Variants in TMEM178B observed in about 807,000 individuals in gnomAD.
The protein encoded by TMEM178B is transmembrane protein 178B.
Under a neutral mutation model 31.0 loss-of-function variants are expected in TMEM178B, and 5 were observed. That is an observed-to-expected ratio of 0.16 (90% CI 0.08 to 0.34). The LOEUF (loss-of-function observed/expected upper bound fraction) is 0.34, where lower values mean the gene tolerates loss of function less well. Ranked by LOEUF, TMEM178B falls within the 10% of genes least tolerant of loss-of-function variation. The pLI is 1.00. For synonymous variants in TMEM178B, 164 were observed against 164.0 expected (o/e 1.00, Z 0.00); for missense variants, 275 against 400.3 (o/e 0.69, Z 2.67).
At position 141,452,078 on chromosome 7, in the gene TMEM178B, T is replaced by C. The variant is rs564395370; in HGVS notation, c.634+14333T>C. ...CTTTGCCCTTTTCTACCTATAAATA[T>C]AGGCTTTTGACTCTCTTTGCTTTTT... On this transcript the variant is annotated intron_variant, in intron 3 of 3. Coordinates refer to ENST00000565468, the MANE Select transcript of TMEM178B (RefSeq NM_001195278.2). 2.0e-5 allele frequency among the ~76,000 whole-genome samples: 3 copies of C among 152,350 alleles called. No homozygotes were observed. The South Asian group carries it at 6.2e-4, about 32-fold the overall frequency.
At chr7:141,347,811 G>A (rs943960742) in intron 2 of TMEM178B, among the ~76,000 whole-genome samples, 13 of 151,648 alleles carry the variant, frequency 8.6e-5, no homozygotes, top group African/African-American at 2.4e-4. Flanking sequence ...CCACTCTGCC[G>A]CACCACCAAC....
chr7:141,091,796 C>T (rs1029826723), intron 1 of TMEM178B, among the ~76,000 whole-genome samples: 1 of 152,264 alleles, frequency 6.6e-6, no homozygotes, highest in African/African-American at 2.4e-5. Context: ...AGCGTGATCT[C>T]GGCTCACTGA....
At chr7:141,284,824 A>G (rs1798418205) in intron 2 of TMEM178B, among the ~76,000 whole-genome samples, 1 of 152,074 alleles carries the variant, frequency 6.6e-6, no homozygotes, top group African/African-American at 2.4e-5. Flanking sequence ...GTATTATCTC[A>G]AGGATATCAA....
At chr7:141,186,073 T>C (rs1164785753) in intron 1 of TMEM178B, among the ~76,000 whole-genome samples, 1 of 152,156 alleles carries the variant, frequency 6.6e-6, no homozygotes, top group East Asian at 1.9e-4. Flanking sequence ...TGTGACTTGA[T>C]ACTATAAAAA....
chr7:141,393,271 A>T (rs1800578422), intron 2 of TMEM178B, among the ~76,000 whole-genome samples: 1 of 152,210 alleles, frequency 6.6e-6, no homozygotes, highest in Non-Finnish European at 1.5e-5. Flanking sequence ...CTGTCACTGA[A>T]TCAGCAGTGT....
intron 2 of TMEM178B, among the ~76,000 whole-genome samples, chr7:141,242,353 A>C (rs546409390): frequency 6.6e-6 from 1 of 151,470 alleles, no homozygotes; most frequent in Admixed American, 6.5e-5. Context: ...CAATAGCCAC[A>C]TGCCCGGCTA....
intron 1 of TMEM178B, among the ~76,000 whole-genome samples, chr7:141,086,977 C>T (rs909635734): frequency 3.3e-5 from 5 of 151,948 alleles, no homozygotes; most frequent in South Asian, 2.1e-4. Context: ...TGTGAGCCAC[C>T]GCATCTGGCC....
At chr7:141,252,389 G>T (rs184682981) in intron 2 of TMEM178B, among the ~76,000 whole-genome samples, 33 of 152,292 alleles carry the variant, frequency 2.2e-4, no homozygotes, top group East Asian at 1.9e-4. Flanking sequence ...TCTTCCAATT[G>T]TGCCCATATT....
chr7:141,273,640 G>A (rs771643607), intron 2 of TMEM178B, among the ~76,000 whole-genome samples: 8 of 152,132 alleles, frequency 5.3e-5, no homozygotes, highest in Non-Finnish European at 7.4e-5. Context: ...TCAGAAAATT[G>A]ACCAGTAATT....
chr7:141,510,709 A>AAAAAAAAAAAG, the TMEM178B span, among the ~76,000 whole-genome samples: 1 of 134,954 alleles, frequency 7.4e-6, no homozygotes, highest in African/African-American at 3.5e-5. Context: ...AAAAAAAAAA[A>AAAAAAAAAAAG]AAAGAAAAAA....
intron 2 of TMEM178B, among the ~76,000 whole-genome samples, chr7:141,392,355 C>G (rs1447383290): frequency 1.3e-5 from 2 of 152,188 alleles, no homozygotes; most frequent in African/African-American, 4.8e-5. Flanking sequence ...TTCTATGCTT[C>G]TGAAGTGAAC....
intron 2 of TMEM178B, among the ~76,000 whole-genome samples, chr7:141,401,798 A>G (rs1342869733): frequency 6.6e-6 from 1 of 152,146 alleles, no homozygotes; most frequent in Non-Finnish European, 1.5e-5. Context: ...TTACTTGGCT[A>G]TTGGTTTTTT....
At chr7:141,440,354 A>G (rs1002971257) in intron 3 of TMEM178B, among the ~76,000 whole-genome samples, 1 of 152,134 alleles carries the variant, frequency 6.6e-6, no homozygotes, top group Non-Finnish European at 1.5e-5. Flanking sequence ...AAAAATACTG[A>G]TGCTGGGACC....
Position 141,215,855 on chromosome 7 carries a change from T to TTCTC in TMEM178B, c.496+3153_496+3156dup, listed in dbSNP as rs1370606590. Among the ~76,000 whole-genome samples the TTCTC allele has an allele frequency of 6.9e-3, 979 of 141,416 alleles. 10 individuals are homozygous for TTCTC. The highest frequency in any genetic ancestry group is 0.01 in the Admixed American group (139 of 13,582). The allele number at this position is 141,416 out of a possible 152,430, so 92.8% of individuals were successfully genotyped here. ...CTTTCTTTCTTTTCTTTTCTTTTCT[T>TTCTC]TCTCTTTCTTTCTTTTCCTCCTTCC... On this transcript the variant is annotated intron_variant, in intron 2 of 3. Coordinates refer to ENST00000565468, the MANE Select transcript of TMEM178B (RefSeq NM_001195278.2).
At chr7:141,345,681 A>T (rs896959274) in intron 2 of TMEM178B, among the ~76,000 whole-genome samples, 5 of 152,248 alleles carry the variant, frequency 3.3e-5, no homozygotes, top group African/African-American at 9.6e-5. Flanking sequence ...GTGAAAACGA[A>T]CACTTATCTC....
At chr7:141,453,083 C>A (rs1333720989) in intron 3 of TMEM178B, among the ~76,000 whole-genome samples, 2 of 152,218 alleles carry the variant, frequency 1.3e-5, no homozygotes, top group African/African-American at 4.8e-5. Context: ...CTTCTAGAAA[C>A]CTTTTTGAAT....
intron 2 of TMEM178B, chr7:141,429,710 A>G (rs1478776945): frequency 1.3e-5 from 2 of 152,240 alleles, no homozygotes; most frequent in Non-Finnish European, 2.9e-5. Flanking sequence ...CTCCTCCCAC[A>G]AAAGTGATAA....
the TMEM178B span, among the ~76,000 whole-genome samples, chr7:141,487,718 G>A: frequency 4.3e-3 from 552 of 128,914 alleles, 5 homozygotes; most frequent in African/African-American, 0.015. Flanking sequence ...TCCAGCCTGG[G>A]TGATTAGAGT....
rs145216798 is a variant in TMEM178B, at chr7:141,430,554, G to A, written c.497-7054G>A. On this transcript the variant is annotated intron_variant, in intron 2 of 3. Coordinates refer to ENST00000565468, the MANE Select transcript of TMEM178B (RefSeq NM_001195278.2). ...CTTGAGTTCCCAGCACCCTGGCTGC[G>A]GAAGAGCCAGGATTTGAATGGGAAC... Among the ~76,000 whole-genome samples the A allele has an allele frequency of 3.5e-3, 529 of 152,266 alleles. 4 individuals carry two copies. Among genetic ancestry groups the A allele is most frequent in the African/African-American group, 0.012 (508 of 41,564 alleles).
Sources: allele counts gnomAD v4.1 joint callset (sites outside exome capture counted in the v4.1 genomes callset), GRCh38; gene constraint gnomAD v4.1.1; transcripts MANE v1.5; gene names NCBI Gene and HGNC (gene_info 2026-07-23, HGNC 2026-07-21).